HLCS: variants seen among roughly 807,000 people sequenced by gnomAD.
HLCS encodes holocarboxylase synthetase, also known as biotin--protein ligase.
A neutral mutation model predicts 75.0 loss-of-function variants in HLCS; 53 were observed. The ratio of observed to expected loss-of-function variants is 0.71; its 90% CI spans 0.57 to 0.89. The LOEUF (loss-of-function observed/expected upper bound fraction) is 0.89, where lower values mean the gene tolerates loss of function less well. Ranked by LOEUF, HLCS falls within the 40% of genes least tolerant of loss-of-function variation. HLCS has a pLI of 0.00. For missense variants in HLCS, 966 were observed against 1,074.0 expected (o/e 0.90, Z 1.41); for synonymous variants, 431 against 428.6 (o/e 1.01, Z -0.07).
intron 6 of HLCS, among the ~76,000 whole-genome samples, chr21:36,833,413 T>C (rs886623461): frequency 1.7e-4 from 25 of 151,404 alleles, no homozygotes; most frequent in Non-Finnish European, 3.2e-4. Context: ...GGTGAAGCCC[T>C]GCCACTAATA....
chr21:36,903,670 T>G (rs1332830783), intron 5 of HLCS, among the ~76,000 whole-genome samples: 1 of 152,168 alleles, frequency 6.6e-6, no homozygotes, highest in African/African-American at 2.4e-5. Flanking sequence ...CTAAAGTGAA[T>G]CATCCAGATT....
At chr21:36,891,764 G>A (rs1291888168) in intron 6 of HLCS, among the ~76,000 whole-genome samples, 2 of 152,164 alleles carry the variant, frequency 1.3e-5, no homozygotes, top group Non-Finnish European at 2.9e-5. Flanking sequence ...AAGAAAGTGG[G>A]AAAGAATACA....
intron 5 of HLCS, among the ~76,000 whole-genome samples, chr21:36,908,913 T>C (rs1356077067): frequency 6.6e-6 from 1 of 152,048 alleles, no homozygotes; most frequent in African/African-American, 2.4e-5. Context: ...TTAAGAAAAG[T>C]AACAAAGGCA....
intron 6 of HLCS, among the ~76,000 whole-genome samples, chr21:36,771,247 TATA>T (rs771040801): frequency 2.7e-4 from 41 of 150,424 alleles, no homozygotes; most frequent in Non-Finnish European, 5.2e-4. Context: ...AATAAATAAA[TATA>T]AAATAAAATA....
intron 6 of HLCS, among the ~76,000 whole-genome samples, chr21:36,806,885 C>T (rs189145456): frequency 1.3e-5 from 2 of 152,178 alleles, no homozygotes; most frequent in African/African-American, 2.4e-5. Context: ...AAGGTGTCAG[C>T]GGGCACTGTG....
chr21:36,915,134 G>A (rs987771974), intron 5 of HLCS, among the ~76,000 whole-genome samples: 1 of 152,190 alleles, frequency 6.6e-6, no homozygotes, highest in Non-Finnish European at 1.5e-5. Context: ...GGCTTCTTGT[G>A]GGGGCAGGGG....
At chr21:36,875,725 T>G (rs563105970) in intron 6 of HLCS, among the ~76,000 whole-genome samples, 1 of 152,306 alleles carries the variant, frequency 6.6e-6, no homozygotes, top group East Asian at 1.9e-4. Context: ...CATACCTCCT[T>G]CTTCCTGGAT....
Position 36,966,492 on chromosome 21 carries a change from G to T in HLCS, c.147C>A (p.Arg49=), listed in dbSNP as rs1297961106. 13 of 972,392 alleles carry T rather than the reference G, an allele frequency of 1.3e-5. No homozygotes were observed. Among genetic ancestry groups the T allele is most frequent in the Non-Finnish European group, 1.4e-5 (12 of 827,692 alleles). The allele number at this position is 972,392 out of a possible 1,614,324, so 60.2% of individuals were successfully genotyped here. The change falls in exon 1 of 11, where the codon CGC becomes CGA. Residue 49 remains arginine, a synonymous_variant. Coordinates refer to ENST00000674895, the MANE Select transcript of HLCS (RefSeq NM_001352514.2). ...CGAAAQPPGA[R]VCLSRGGRVF... is the part of the protein sequence containing the mutation. The stretch of plus-strand genomic sequence containing the variant: ...CGCGGCCGCCACGGCTCAGGCACAC[G>T]CGGGCGCCCGGGGGCTGCGCGGCCG...
At chr21:36,872,296 G>A (rs1031713623) in intron 6 of HLCS, among the ~76,000 whole-genome samples, 24 of 151,266 alleles carry the variant, frequency 1.6e-4, no homozygotes, top group Admixed American at 5.3e-4. Flanking sequence ...GGTGGCGGGC[G>A]CCTGTAGTCC....
intron 6 of HLCS, among the ~76,000 whole-genome samples, chr21:36,845,223 T>C (rs1319292849): frequency 4.6e-5 from 7 of 152,156 alleles, no homozygotes; most frequent in African/African-American, 1.7e-4. Context: ...TCCCCTCCCA[T>C]GCTCACAGCC....
At chr21:36,790,618 G>A (rs932982309) in intron 6 of HLCS, among the ~76,000 whole-genome samples, 4 of 152,152 alleles carry the variant, frequency 2.6e-5, no homozygotes, top group African/African-American at 9.7e-5. Flanking sequence ...TTACGCTTCC[G>A]TGGCTCAATG....
At position 36,820,676 on chromosome 21, in the gene HLCS, C is replaced by T. The variant is rs115247758; in HGVS notation, c.1893-53391G>A. On this transcript the variant is annotated intron_variant, in intron 6 of 10. Transcript: ENST00000674895. ...GAGGGCAGTTTGGCACAGGCCTGTA[C>T]GCGCCCTTCAGCATGAACAGCCTGG... Among the ~76,000 whole-genome samples, 766 of 152,370 alleles carry T rather than the reference C, an allele frequency of 5.0e-3. 6 individuals carry two copies. Among genetic ancestry groups the T allele is most frequent in the African/African-American group, 0.017 (725 of 41,590 alleles).
Position 36,774,996 on chromosome 21 carries a change from C to T in HLCS, c.1893-7711G>A, listed in dbSNP as rs1246304742. The stretch of plus-strand genomic sequence containing the variant: ...CTGTTGGTATGCTTTAAATCATATC[C>T]CCTTTCCGCTCTTGGTGTAGAACAG... On this transcript the variant is annotated intron_variant, in intron 6 of 10. Coordinates refer to ENST00000674895, the MANE Select transcript of HLCS (RefSeq NM_001352514.2). Among the ~76,000 whole-genome samples, 3 of 152,292 alleles carry T rather than the reference C, an allele frequency of 2.0e-5. No individual in the cohort carries two copies. In the East Asian group the frequency reaches 5.8e-4, roughly 29 times the overall value.
At chr21:36,954,071 C>T (rs904166191) in intron 2 of HLCS, among the ~76,000 whole-genome samples, 6 of 151,814 alleles carry the variant, frequency 4.0e-5, no homozygotes, top group South Asian at 4.2e-4. Context: ...TTTGGGAGGC[C>T]GAGGAGGGTG....
intron 2 of HLCS, among the ~76,000 whole-genome samples, chr21:36,955,178 T>C (rs1200487685): frequency 1.3e-5 from 2 of 152,194 alleles, no homozygotes; most frequent in Non-Finnish European, 2.9e-5. Context: ...TTACTGCCCG[T>C]GAAGACCTTC....
At chr21:36,953,031 G>A (rs988731918) in intron 2 of HLCS, among the ~76,000 whole-genome samples, 3 of 152,152 alleles carry the variant, frequency 2.0e-5, no homozygotes, top group Non-Finnish European at 4.4e-5. Context: ...GTGACCAAGG[G>A]GGCTATGTGA....
At chr21:36,795,054 T>C (rs2060986229) in intron 6 of HLCS, among the ~76,000 whole-genome samples, 1 of 152,052 alleles carries the variant, frequency 6.6e-6, no homozygotes, top group Admixed American at 6.5e-5. Flanking sequence ...ATCGTGGAGA[T>C]GGTTCTTAGA....
Position 36,784,982 on chromosome 21 carries a change from GA to G in HLCS, c.1893-17698del, listed in dbSNP as rs1239776822. 3.3e-5 allele frequency among the ~76,000 whole-genome samples: 5 copies of G among 152,282 alleles called. No homozygotes were observed. In the East Asian group the frequency reaches 9.6e-4, roughly 29 times the overall value. ...AACACCTGGGCAAACAAAGGAACCT[GA>G]AGGTAACGAATTCCTTCCTACAGAA... On this transcript the variant is annotated intron_variant, in intron 6 of 10. Coordinates refer to ENST00000674895, the MANE Select transcript of HLCS (RefSeq NM_001352514.2).
chr21:36,889,251 G>A (rs981931456), intron 6 of HLCS, among the ~76,000 whole-genome samples: 1 of 152,102 alleles, frequency 6.6e-6, no homozygotes, highest in African/African-American at 2.4e-5. Context: ...AATACAAAAC[G>A]TCCAACCTTG....
Sources: gnomAD v4.1 joint callset for allele counts (sites outside exome capture counted in the v4.1 genomes callset) on GRCh38, gnomAD v4.1.1 for gene constraint, MANE v1.5 for transcripts, NCBI Gene and HGNC (gene_info 2026-07-23, HGNC 2026-07-21) for gene names.